Variants in CTNNA3 observed in about 807,000 individuals in gnomAD.
CTNNA3 encodes the protein catenin alpha 3.
A neutral mutation model predicts 95.7 loss-of-function variants in CTNNA3; 76 were observed. The observed-to-expected ratio is 0.79, with a 90% CI of 0.66 to 0.96. The LOEUF (loss-of-function observed/expected upper bound fraction) is 0.96, where lower values mean the gene tolerates loss of function less well. CTNNA3 is among the 40% of genes least tolerant of loss of function. The probability of loss-of-function intolerance (pLI) is 0.00; values close to 1 mark genes in which losing one functional copy is unlikely to be tolerated. For missense variants in CTNNA3, 1,191 were observed against 1,089.8 expected (o/e 1.09, Z -1.31); for synonymous variants, 431 against 374.4 (o/e 1.15, Z -1.74).
chr10:66,969,166 A>G (rs1040724899), intron 7 of CTNNA3, among the ~76,000 whole-genome samples: 2 of 152,136 alleles, frequency 1.3e-5, no homozygotes, highest in Non-Finnish European at 2.9e-5. Context: ...TCAAATATTA[A>G]TAAGAAAATG....
At chr10:66,169,189 AC>A (rs1179830648) in intron 13 of CTNNA3, among the ~76,000 whole-genome samples, 1 of 151,394 alleles carries the variant, frequency 6.6e-6, no homozygotes, top group Non-Finnish European at 1.5e-5. Flanking sequence ...CCTTCCCTTT[AC>A]CCCCAAGTCC....
chr10:66,275,565 G>C (rs1352169024), intron 13 of CTNNA3, among the ~76,000 whole-genome samples: 1 of 152,206 alleles, frequency 6.6e-6, no homozygotes, highest in Non-Finnish European at 1.5e-5. Context: ...ATCATGTAAA[G>C]TAAAAATATA....
chr10:66,805,942 T>C (rs1225425294), intron 7 of CTNNA3, among the ~76,000 whole-genome samples: 1 of 152,094 alleles, frequency 6.6e-6, no homozygotes, highest in Non-Finnish European at 1.5e-5. Flanking sequence ...TTTTTTCAGC[T>C]TTCACATTTA....
chr10:67,345,155 A>G (rs988475365), intron 5 of CTNNA3, among the ~76,000 whole-genome samples: 4 of 152,028 alleles, frequency 2.6e-5, no homozygotes, highest in African/African-American at 9.7e-5. Flanking sequence ...ATAGTTTCCA[A>G]AATTCCTCCT....
intron 9 of CTNNA3, among the ~76,000 whole-genome samples, chr10:66,642,111 C>A (rs1845535179): frequency 6.6e-6 from 1 of 152,202 alleles, no homozygotes; most frequent in African/African-American, 2.4e-5. Context: ...AATTAGCTTA[C>A]TTCCAGATGT....
At chr10:66,335,874 C>T (rs2092389285) in intron 12 of CTNNA3, among the ~76,000 whole-genome samples, 1 of 152,094 alleles carries the variant, frequency 6.6e-6, no homozygotes, top group African/African-American at 2.4e-5. Context: ...GTGGTGGGCT[C>T]CACCCAGTTT....
chr10:67,080,743 A>G (rs542042465), intron 7 of CTNNA3, among the ~76,000 whole-genome samples: 8 of 152,130 alleles, frequency 5.3e-5, no homozygotes, highest in Non-Finnish European at 8.8e-5. Flanking sequence ...CCCCATCTCT[A>G]CTAAAAATAC....
intron 7 of CTNNA3, among the ~76,000 whole-genome samples, chr10:66,947,139 AG>A (rs949287624): frequency 2.0e-5 from 3 of 151,926 alleles, no homozygotes; most frequent in Non-Finnish European, 2.9e-5. Flanking sequence ...TGATTGTATT[AG>A]AAAAAACTTG....
chr10:67,444,119 C>T lies in CTNNA3; in HGVS notation c.579+77723G>A, dbSNP rs981447619. 1.3e-5 allele frequency among the ~76,000 whole-genome samples: 2 copies of T among 152,178 alleles called. 1 individual carries two copies. Among genetic ancestry groups the T allele is most frequent in the South Asian group, 4.1e-4 (2 of 4,820 alleles). On this transcript the variant is annotated intron_variant, in intron 5 of 17. Transcript: ENST00000433211. ...ATTCTTTTCTTCAGCACAAGGATCA[C>T]TCTCAAGGACAGATCATATGTTAGG...
intron 14 of CTNNA3, among the ~76,000 whole-genome samples, chr10:66,093,228 A>G (rs555434327): frequency 6.6e-6 from 1 of 152,156 alleles, no homozygotes; most frequent in South Asian, 2.1e-4. Flanking sequence ...AAATTAAAGA[A>G]ATGACACTAA....
intron 9 of CTNNA3, among the ~76,000 whole-genome samples, chr10:66,692,783 C>G (rs543565183): frequency 8.5e-5 from 13 of 152,214 alleles, no homozygotes; most frequent in African/African-American, 2.4e-4. Context: ...ACTCTACAAG[C>G]CAGAAGAGAG....
At chr10:66,493,976 C>T (rs188728293) in intron 11 of CTNNA3, among the ~76,000 whole-genome samples, 1 of 144,650 alleles carries the variant, frequency 6.9e-6, no homozygotes, top group Non-Finnish European at 1.5e-5. Context: ...GGCGCCACCT[C>T]GGCTCACTGC....
At chr10:65,964,818 G>A (rs967919730) in intron 17 of CTNNA3, among the ~76,000 whole-genome samples, 20 of 152,112 alleles carry the variant, frequency 1.3e-4, no homozygotes, top group African/African-American at 4.8e-4. Context: ...AAGACTGGAT[G>A]TTTAATAAGC....
intron 10 of CTNNA3, among the ~76,000 whole-genome samples, chr10:66,601,601 C>G (rs146633873): frequency 6.6e-6 from 1 of 151,838 alleles, no homozygotes; most frequent in Non-Finnish European, 1.5e-5. Context: ...TACTAACCAT[C>G]TGTAATGGGA....
chr10:66,135,082 A>G (rs1057095166), intron 13 of CTNNA3, among the ~76,000 whole-genome samples: 2 of 152,182 alleles, frequency 1.3e-5, no homozygotes, highest in Non-Finnish European at 2.9e-5. Flanking sequence ...GAAAAATGAT[A>G]AGAAAATATT....
At chr10:67,751,797 C>A (rs1000608782) in intron 1 of CTNNA3, among the ~76,000 whole-genome samples, 1 of 142,124 alleles carries the variant, frequency 7.0e-6, no homozygotes, top group Non-Finnish European at 1.5e-5. Context: ...AGACTAATAA[C>A]AAGTTCTGAA....
At chr10:66,170,358 A>C (rs2085354824) in intron 13 of CTNNA3, among the ~76,000 whole-genome samples, 1 of 151,154 alleles carries the variant, frequency 6.6e-6, no homozygotes, top group Admixed American at 6.6e-5. Flanking sequence ...TATTTCCACA[A>C]ATTCATAAAT....
intron 1 of CTNNA3, among the ~76,000 whole-genome samples, chr10:67,714,428 T>A (rs1841130753): frequency 6.6e-6 from 1 of 152,250 alleles, no homozygotes; most frequent in Admixed American, 6.5e-5. Flanking sequence ...CAGACTTGTG[T>A]GGGGCCTGTA....
intron 13 of CTNNA3, among the ~76,000 whole-genome samples, chr10:66,127,408 T>C (rs2082880556): frequency 6.6e-6 from 1 of 152,128 alleles, no homozygotes; most frequent in Non-Finnish European, 1.5e-5. Context: ...TGGTACTTTT[T>C]CTCACTGGTC....
Sources: allele counts gnomAD v4.1 joint callset (sites outside exome capture counted in the v4.1 genomes callset), GRCh38; gene constraint gnomAD v4.1.1; transcripts MANE v1.5; gene names NCBI Gene and HGNC (gene_info 2026-07-23, HGNC 2026-07-21).